Variants in GALNT13 observed in about 807,000 individuals in gnomAD.
GALNT13 encodes polypeptide N-acetylgalactosaminyltransferase 13, also known as UDP-GalNAc:polypeptide N-acetylgalactosaminyltransferase 13.
In GALNT13, 28 loss-of-function variants were observed where a neutral mutation model predicts 64.2. The observed-to-expected ratio is 0.44, with a 90% CI of 0.32 to 0.60. The LOEUF (loss-of-function observed/expected upper bound fraction) is 0.60. Among genes scored for constraint, GALNT13 ranks in the 20% least tolerant of loss-of-function variants. The pLI, the probability that GALNT13 is intolerant of heterozygous loss-of-function variation, is 0.05. For synonymous variants in GALNT13, 214 were observed against 224.6 expected (o/e 0.95, Z 0.42); for missense variants, 577 against 669.8 (o/e 0.86, Z 1.53).
At chr2:154,283,626 A>C (rs1692088448) in intron 8 of GALNT13, among the ~76,000 whole-genome samples, 1 of 152,020 alleles carries the variant, frequency 6.6e-6, no homozygotes. Flanking sequence ...TAGAAACGTG[A>C]TGCTTTTTCT....
chr2:153,806,762 G>A, the GALNT13 span, among the ~76,000 whole-genome samples: 1 of 151,704 alleles, frequency 6.6e-6, no homozygotes, highest in African/African-American at 2.4e-5. Context: ...ACTCTTTAAT[G>A]CTGTAGGCCA....
At chr2:153,502,475 T>C in the GALNT13 span, among the ~76,000 whole-genome samples, 1 of 152,358 alleles carries the variant, frequency 6.6e-6, no homozygotes, top group South Asian at 2.1e-4. Context: ...ACATTTTCTT[T>C]ATCCACTCAT....
At chr2:153,838,978 A>G in the GALNT13 span, among the ~76,000 whole-genome samples, 2 of 151,780 alleles carry the variant, frequency 1.3e-5, no homozygotes, top group Non-Finnish European at 2.9e-5. Context: ...GTTTCTGTGT[A>G]TAGATCTTTC....
At chr2:153,354,750 T>A in the GALNT13 span, among the ~76,000 whole-genome samples, 1 of 152,166 alleles carries the variant, frequency 6.6e-6, no homozygotes, top group Non-Finnish European at 1.5e-5. Context: ...ACCCAGTTAA[T>A]CACTAAGAGG....
intron 8 of GALNT13, among the ~76,000 whole-genome samples, chr2:154,262,284 G>A (rs1256328573): frequency 2.0e-5 from 3 of 152,120 alleles, no homozygotes; most frequent in African/African-American, 7.2e-5. Context: ...TCCTCATTAA[G>A]GTTCATCTCT....
At chr2:154,070,274 A>G (rs1424677) in intron 3 of GALNT13, among the ~76,000 whole-genome samples, 135,927 of 152,194 alleles carry the variant, frequency 0.89, 61,147 homozygotes, top group African/African-American at 0.97. Context: ...TTGCTTCCTT[A>G]TTACTAAACA....
At chr2:153,676,781 T>C in the GALNT13 span, among the ~76,000 whole-genome samples, 1 of 152,048 alleles carries the variant, frequency 6.6e-6, no homozygotes, top group African/African-American at 2.4e-5. Flanking sequence ...AAAAACCACA[T>C]CGTTATCTCA....
the GALNT13 span, among the ~76,000 whole-genome samples, chr2:153,542,761 G>T: frequency 6.6e-6 from 1 of 152,180 alleles, no homozygotes; most frequent in African/African-American, 2.4e-5. Context: ...GAAGTTTCAG[G>T]AATCTGACAA....
At chr2:154,137,302 A>AACACACACACAC (rs112665813) in intron 3 of GALNT13, among the ~76,000 whole-genome samples, 126 of 148,976 alleles carry the variant, frequency 8.5e-4, no homozygotes, top group African/African-American at 2.7e-3. Flanking sequence ...ACACAGGCAA[A>AACACACACACAC]ACACACACAC....
the GALNT13 span, among the ~76,000 whole-genome samples, chr2:153,279,237 A>T: frequency 1.3e-5 from 2 of 152,298 alleles, no homozygotes; most frequent in South Asian, 4.1e-4. Flanking sequence ...AAATTTGTTT[A>T]TCAGTTCCAG....
chr2:153,261,474 C>T, the GALNT13 span, among the ~76,000 whole-genome samples: 2 of 152,164 alleles, frequency 1.3e-5, no homozygotes, highest in Admixed American at 6.5e-5. Flanking sequence ...TCCAGGAGAA[C>T]TCCCTGGATT....
chr2:154,259,203 C>A (rs2105901666), intron 8 of GALNT13, 65 bp downstream of exon 8: 1 of 852,020 alleles, frequency 1.2e-6, no homozygotes, highest in South Asian at 1.5e-5. Context: ...ACATACCAGT[C>A]CCAGTAATTT....
At chr2:153,157,704 T>C in the GALNT13 span, among the ~76,000 whole-genome samples, 152,180 of 152,276 alleles carry the variant, frequency 1, 76,042 homozygotes, top group Non-Finnish European at 1. Flanking sequence ...CTTATGTCTC[T>C]GTGTATTTAT....
chr2:153,874,742 T>TTA (rs1392112425), intron 1 of GALNT13, among the ~76,000 whole-genome samples: 1 of 152,188 alleles, frequency 6.6e-6, no homozygotes, highest in Non-Finnish European at 1.5e-5. Flanking sequence ...TGAATGGTAA[T>TTA]TGAGAACTAG....
At chr2:153,798,292 G>C in the GALNT13 span, among the ~76,000 whole-genome samples, 1 of 151,998 alleles carries the variant, frequency 6.6e-6, no homozygotes, top group African/African-American at 2.4e-5. Context: ...AAATTATTTA[G>C]TTTCCAATTA....
chr2:154,326,452 G>A (rs1694878550), intron 9 of GALNT13, among the ~76,000 whole-genome samples: 1 of 148,980 alleles, frequency 6.7e-6, no homozygotes, highest in Non-Finnish European at 1.5e-5. Flanking sequence ...ATTATTACTT[G>A]TTGATGTGAA....
intron 3 of GALNT13, among the ~76,000 whole-genome samples, chr2:154,050,440 A>G (rs544451647): frequency 1.3e-5 from 2 of 152,266 alleles, no homozygotes; most frequent in South Asian, 4.1e-4. Context: ...GAGAAAATGA[A>G]CTTGAGGTTT....
chr2:153,887,436 C>T (rs1687257298), intron 1 of GALNT13, among the ~76,000 whole-genome samples: 1 of 150,382 alleles, frequency 6.6e-6, no homozygotes, highest in Admixed American at 6.7e-5. Context: ...CCCCAAGTGC[C>T]AATAAATAAA....
chr2:154,252,770 GATA>G (rs1459188084), intron 7 of GALNT13, among the ~76,000 whole-genome samples: 1 of 137,082 alleles, frequency 7.3e-6, no homozygotes, highest in Non-Finnish European at 1.6e-5. Flanking sequence ...TAGATAGATA[GATA>G]GATAGATAAT....
Sources: allele counts gnomAD v4.1 joint callset (sites outside exome capture counted in the v4.1 genomes callset), GRCh38; gene constraint gnomAD v4.1.1; transcripts MANE v1.5; gene names NCBI Gene and HGNC (gene_info 2026-07-23, HGNC 2026-07-21).